Variants in SPOCK1 observed in about 807,000 individuals in gnomAD.
The protein encoded by SPOCK1 is testican-1.
Under a neutral mutation model 55.3 loss-of-function variants are expected in SPOCK1, and 23 were observed. That is an observed-to-expected ratio of 0.42 (90% CI 0.30 to 0.59). SPOCK1 has a LOEUF of 0.59. SPOCK1 is among the 20% of genes least tolerant of loss of function. SPOCK1 has a pLI of 0.22. For missense variants in SPOCK1, 499 were observed against 552.5 expected (o/e 0.90, Z 0.97); for synonymous variants, 226 against 221.0 (o/e 1.02, Z -0.20).
At chr5:137,499,011 T>A (rs1754380605) in intron 1 of SPOCK1, among the ~76,000 whole-genome samples, 168 bp downstream of exon 1, 1 of 148,720 alleles carries the variant, frequency 6.7e-6, no homozygotes, top group Non-Finnish European at 1.5e-5. Context: ...CAGCTGGGGG[T>A]CCCCGGCGAC....
At chr5:137,155,551 T>A (rs1030514676) in intron 3 of SPOCK1, among the ~76,000 whole-genome samples, 1 of 152,200 alleles carries the variant, frequency 6.6e-6, no homozygotes, top group Non-Finnish European at 1.5e-5. Context: ...AGAAAGGAGA[T>A]GAAATACGGG....
intron 2 of SPOCK1, among the ~76,000 whole-genome samples, chr5:137,386,543 T>C (rs1032645197): frequency 1.3e-5 from 2 of 152,224 alleles, no homozygotes; most frequent in African/African-American, 4.8e-5. Context: ...AACTGATCTT[T>C]GACAGGGAAG....
chr5:137,244,391 T>C (rs193019301), intron 3 of SPOCK1, among the ~76,000 whole-genome samples: 21 of 150,708 alleles, frequency 1.4e-4, no homozygotes, highest in Admixed American at 3.9e-4. Context: ...ATTTTCAAAA[T>C]GAAGATATTT....
intron 3 of SPOCK1, among the ~76,000 whole-genome samples, chr5:137,263,329 G>A (rs1756787734): frequency 6.6e-6 from 1 of 152,170 alleles, no homozygotes; most frequent in Non-Finnish European, 1.5e-5. Flanking sequence ...GACCATCAAT[G>A]GTTTTCTTGG....
intron 6 of SPOCK1, among the ~76,000 whole-genome samples, chr5:137,024,609 T>TA (rs199966891): frequency 0.052 from 6,921 of 132,504 alleles, 157 homozygotes; most frequent in Non-Finnish European, 0.058. Flanking sequence ...ATCTGACATG[T>TA]AAAAAAAAAA....
At chr5:137,289,251 T>C (rs1757322890) in intron 2 of SPOCK1, among the ~76,000 whole-genome samples, 1 of 152,238 alleles carries the variant, frequency 6.6e-6, no homozygotes, top group Non-Finnish European at 1.5e-5. Context: ...ATAAATTATA[T>C]GTATTTTAAC....
intron 3 of SPOCK1, among the ~76,000 whole-genome samples, chr5:137,184,811 G>A (rs573538585): frequency 1.3e-5 from 2 of 151,350 alleles, no homozygotes; most frequent in Admixed American, 6.6e-5. Flanking sequence ...TCTCCCTCCT[G>A]ACCCTTGCTC....
intron 6 of SPOCK1, among the ~76,000 whole-genome samples, chr5:137,059,540 C>A (rs933527729): frequency 3.9e-5 from 6 of 152,062 alleles, no homozygotes; most frequent in African/African-American, 1.2e-4. Context: ...TAGACCTTGG[C>A]AAAGATTTTA....
At chr5:137,391,909 TCACATA>T (rs1253692166) in intron 2 of SPOCK1, among the ~76,000 whole-genome samples, 2 of 152,114 alleles carry the variant, frequency 1.3e-5, no homozygotes, top group Non-Finnish European at 2.9e-5. Flanking sequence ...AATCTGACAC[TCACATA>T]CTGCCCTCCA....
At chr5:137,358,577 AG>A in intron 2 of SPOCK1, among the ~76,000 whole-genome samples, 1 of 149,316 alleles carries the variant, frequency 6.7e-6, no homozygotes, top group South Asian at 2.2e-4. Context: ...AGGAAGGGGA[AG>A]GGGGAGATAA....
chr5:137,288,844 T>C (rs1342955420), intron 2 of SPOCK1, among the ~76,000 whole-genome samples: 1 of 152,226 alleles, frequency 6.6e-6, no homozygotes, highest in Non-Finnish European at 1.5e-5. Flanking sequence ...GTTGACTTCA[T>C]TGATTTATTT....
At chr5:137,105,869 G>A (rs1021595143) in intron 5 of SPOCK1, among the ~76,000 whole-genome samples, 2 of 152,176 alleles carry the variant, frequency 1.3e-5, no homozygotes, top group Non-Finnish European at 2.9e-5. Flanking sequence ...GAATGTCAGG[G>A]GGAGGGGAGT....
At chr5:137,020,894 T>C (rs1751552185) in intron 6 of SPOCK1, among the ~76,000 whole-genome samples, 1 of 151,878 alleles carries the variant, frequency 6.6e-6, no homozygotes, top group Non-Finnish European at 1.5e-5. Context: ...CCTAAAAAAA[T>C]AGAAAAGAAG....
At position 136,977,952 on chromosome 5, in the gene SPOCK1, G is replaced by T. The variant is rs1580689523; in HGVS notation, c.*702C>A. On this transcript the variant is annotated 3_prime_UTR_variant, in exon 11 of 11. Transcript: ENST00000394945. ...GATACCCAAACACTTTTTCTGAGAG[G>T]TATGGGTGTGTGTGCAAGGCACACA... 5.0e-6 allele frequency: 2 copies of T among 398,812 alleles called. No individual in the cohort carries two copies. Among genetic ancestry groups the T allele is most frequent in the African/African-American group, 4.1e-5 (2 of 48,610 alleles). 24.7% of individuals were successfully genotyped at this position (398,812 alleles called of 1,614,324 possible).
intron 3 of SPOCK1, among the ~76,000 whole-genome samples, chr5:137,246,826 TCA>T (rs34766205): frequency 0.12 from 17,524 of 152,134 alleles, 1,296 homozygotes; most frequent in East Asian, 0.26. Flanking sequence ...AAGCTGAAAA[TCA>T]CAGAGTGAGT....
chr5:137,194,979 A>C (rs1031425204), intron 3 of SPOCK1, among the ~76,000 whole-genome samples: 6 of 152,030 alleles, frequency 3.9e-5, no homozygotes, highest in Admixed American at 3.3e-4. Context: ...GAGAGCAGCC[A>C]CTCTCTCTCT....
chr5:137,232,111 G>C (rs1467494566), intron 3 of SPOCK1, among the ~76,000 whole-genome samples: 2 of 152,148 alleles, frequency 1.3e-5, no homozygotes, highest in Non-Finnish European at 2.9e-5. Flanking sequence ...CCACCTGTAA[G>C]ATATGTGATT....
At chr5:137,217,712 T>C (rs957739348) in intron 3 of SPOCK1, among the ~76,000 whole-genome samples, 9 of 152,206 alleles carry the variant, frequency 5.9e-5, no homozygotes, top group Non-Finnish European at 8.8e-5. Context: ...TTTTTACTGA[T>C]CATCTACTAT....
intron 2 of SPOCK1, among the ~76,000 whole-genome samples, chr5:137,325,986 C>A (rs1758069485): frequency 6.6e-6 from 1 of 152,212 alleles, no homozygotes; most frequent in Non-Finnish European, 1.5e-5. Flanking sequence ...AGGGCTGCAC[C>A]AATTCCCACT....
Sources: gnomAD v4.1 joint callset for allele counts (sites outside exome capture counted in the v4.1 genomes callset) on GRCh38, gnomAD v4.1.1 for gene constraint, MANE v1.5 for transcripts, NCBI Gene and HGNC (gene_info 2026-07-23, HGNC 2026-07-21) for gene names.